The following EHHADH variants were observed in gnomAD, a reference collection of about 807,000 sequenced individuals.
The protein encoded by EHHADH is peroxisomal bifunctional enzyme.
In EHHADH, 48 loss-of-function variants were observed where a neutral mutation model predicts 64.4. The observed-to-expected ratio is 0.75, with a 90% CI of 0.59 to 0.95. The LOEUF (loss-of-function observed/expected upper bound fraction) is 0.95, where lower values mean the gene tolerates loss of function less well. Ranked by LOEUF, EHHADH falls within the 40% of genes least tolerant of loss-of-function variation. The pLI is 0.00. For missense variants in EHHADH, 854 were observed against 876.6 expected (o/e 0.97, Z 0.33); for synonymous variants, 308 against 326.7 (o/e 0.94, Z 0.62).
chr3:185,246,879 T>C (rs937084039), intron 2 of EHHADH, among the ~76,000 whole-genome samples: 2 of 152,174 alleles, frequency 1.3e-5, no homozygotes, highest in African/African-American at 4.8e-5. Flanking sequence ...TTTTTAAAGC[T>C]ATAAATTTTC....
chr3:185,207,544 T>G (rs1364723075), intron 5 of EHHADH, among the ~76,000 whole-genome samples: 1 of 152,152 alleles, frequency 6.6e-6, no homozygotes, highest in African/African-American at 2.4e-5. Flanking sequence ...GATTGACCTT[T>G]AAGGTTTACA....
chr3:185,217,783 G>A (rs1394466529), intron 5 of EHHADH, among the ~76,000 whole-genome samples: 5 of 143,904 alleles, frequency 3.5e-5, no homozygotes, highest in South Asian at 4.4e-4. Context: ...TTTTTTTCTC[G>A]AGACGGAGTC....
chr3:185,249,418 G>A (rs746529856), intron 1 of EHHADH, among the ~76,000 whole-genome samples: 2 of 152,088 alleles, frequency 1.3e-5, no homozygotes, highest in African/African-American at 2.4e-5. Flanking sequence ...GTGAGCCACC[G>A]CGCCCAGCCT....
chr3:185,226,749 G>A (rs1012240176), intron 4 of EHHADH: 1 of 151,974 alleles, frequency 6.6e-6, no homozygotes, highest in Non-Finnish European at 1.5e-5. Context: ...GACAAACCCT[G>A]AGCTATATCC....
chr3:185,222,011 G>A (rs1337219889), intron 4 of EHHADH, among the ~76,000 whole-genome samples: 1 of 152,084 alleles, frequency 6.6e-6, no homozygotes, highest in African/African-American at 2.4e-5. Context: ...ACTCCAAAAA[G>A]CTTGTGTTTA....
intron 2 of EHHADH, chr3:185,245,491 T>C: frequency 9.5e-7 from 1 of 1,051,802 alleles, no homozygotes; most frequent in Non-Finnish European, 1.4e-6. Flanking sequence ...CTGTGCTCGC[T>C]TGCCCATGAC....
Position 185,224,358 on chromosome 3 carries a change from G to A in EHHADH, c.463+5074C>T, listed in dbSNP as rs562579623. Among the ~76,000 whole-genome samples the A allele has an allele frequency of 2.8e-4, 43 of 151,596 alleles. No individual in the cohort carries two copies. The South Asian group carries it at 7.1e-3, about 25-fold the overall frequency. On this transcript the variant is annotated intron_variant, in intron 4 of 6. Coordinates refer to ENST00000231887, the MANE Select transcript of EHHADH (RefSeq NM_001966.4). Reference sequence around the variant, plus strand: ...CTACTAAAAATACAAAAAATTAGCCGGGTGTGGTGGCACGTGCCTGTAATC... The same window carrying A: ...CTACTAAAAATACAAAAAATTAGCCAGGTGTGGTGGCACGTGCCTGTAATC...
intron 6 of EHHADH, among the ~76,000 whole-genome samples, chr3:185,194,499 C>T (rs1396514633): frequency 6.6e-6 from 1 of 151,920 alleles, no homozygotes; most frequent in Non-Finnish European, 1.5e-5. Flanking sequence ...GTAATCCCCA[C>T]TACTTGGGAG....
intron 6 of EHHADH, among the ~76,000 whole-genome samples, chr3:185,200,860 C>T (rs1375994410): frequency 6.6e-6 from 1 of 152,008 alleles, no homozygotes; most frequent in Non-Finnish European, 1.5e-5. Context: ...GGCCTGGGCT[C>T]ATGGAAACAA....
chr3:185,242,639 AG>A (rs1029986784), intron 2 of EHHADH, among the ~76,000 whole-genome samples: 4 of 152,156 alleles, frequency 2.6e-5, no homozygotes, highest in African/African-American at 7.2e-5. Flanking sequence ...CGAGTCATGC[AG>A]GTTGTAAGGA....
chr3:185,253,328 A>G (rs1281019916), intron 1 of EHHADH: 1 of 148,422 alleles, frequency 6.7e-6, no homozygotes, highest in Admixed American at 6.9e-5. Flanking sequence ...CCTGGACTCA[A>G]AGAAGGGGAG....
chr3:185,235,544 T>C, intron 2 of EHHADH, 82 bp from the exon 3 acceptor site: 1 of 1,129,058 alleles, frequency 8.9e-7, no homozygotes, highest in East Asian at 2.9e-5. Flanking sequence ...CTGATACTCT[T>C]TAAAAAATTA....
At chr3:185,199,651 C>T (rs887788013) in intron 6 of EHHADH, among the ~76,000 whole-genome samples, 5 of 152,154 alleles carry the variant, frequency 3.3e-5, no homozygotes, top group African/African-American at 9.7e-5. Context: ...AAAATTATAT[C>T]GTATTCAAAA....
chr3:185,228,364 T>C (rs1350249925), intron 4 of EHHADH, among the ~76,000 whole-genome samples: 1 of 149,702 alleles, frequency 6.7e-6, no homozygotes, highest in Non-Finnish European at 1.5e-5. Flanking sequence ...ACATTCTCTA[T>C]TGAGAAAGAA....
At chr3:185,244,599 G>A (rs76469357) in intron 2 of EHHADH, among the ~76,000 whole-genome samples, 3,079 of 152,250 alleles carry the variant, frequency 0.02, 93 homozygotes, top group African/African-American at 0.071. Flanking sequence ...GGTCTTCGCA[G>A]ATGTTATCAA....
chr3:185,201,459 T>C (rs930120539), intron 6 of EHHADH, among the ~76,000 whole-genome samples: 2 of 152,068 alleles, frequency 1.3e-5, no homozygotes, highest in Non-Finnish European at 2.9e-5. Context: ...CAGCTGTCCA[T>C]GGAGTGTGGG....
chr3:185,208,465 G>T (rs1317226498), intron 5 of EHHADH, among the ~76,000 whole-genome samples: 1 of 152,132 alleles, frequency 6.6e-6, no homozygotes, highest in East Asian at 1.9e-4. Context: ...CTAAGTTTTG[G>T]GGTCATTTGT....
chr3:185,198,197 A>T (rs566317927), intron 6 of EHHADH, among the ~76,000 whole-genome samples: 2 of 151,594 alleles, frequency 1.3e-5, no homozygotes, highest in Admixed American at 1.3e-4. Context: ...TGTCCATAGA[A>T]GCTGCAACAT....
At chr3:185,235,538 T>C in intron 2 of EHHADH, 76 bp from the exon 3 acceptor site, 1 of 1,197,410 alleles carries the variant, frequency 8.4e-7, no homozygotes, top group Non-Finnish European at 1.1e-6. Flanking sequence ...AGTTACCTGA[T>C]ACTCTTTAAA....
Sources: allele counts gnomAD v4.1 joint callset (sites outside exome capture counted in the v4.1 genomes callset), GRCh38; gene constraint gnomAD v4.1.1; transcripts MANE v1.5; gene names NCBI Gene and HGNC (gene_info 2026-07-23, HGNC 2026-07-21).